The following HMGB1 variants were observed in gnomAD, a reference collection of about 807,000 sequenced individuals.
HMGB1 encodes high mobility group box 1.
For missense variants in HMGB1, 79 were observed against 253.5 expected, an observed-to-expected ratio of 0.31 and a Z score of 4.67; for synonymous variants, 81 against 84.0, an observed-to-expected ratio of 0.96 and a Z score of 0.19.
rs150523983 is a variant in HMGB1, at chr13:30,568,079, C to G, written c.-15+48592G>C. 6.3e-3 allele frequency among the ~76,000 whole-genome samples: 958 copies of G among 152,296 alleles called. 6 individuals carry two copies. The highest frequency in any genetic ancestry group is 0.022 in the African/African-American group (907 of 41,562). On this transcript the variant is annotated intron_variant, in intron 1 of 4. Transcript: ENST00000405805. ...TGGAATCTTCCAGGATGTATAGTCT[C>G]CCATACCAGCTCATCCTCCCATTTT... is the stretch of plus-strand genomic sequence containing the variant.
chr13:30,517,471 C>T (rs1370668038), intron 1 of HMGB1, among the ~76,000 whole-genome samples: 2 of 152,252 alleles, frequency 1.3e-5, no homozygotes, highest in Non-Finnish European at 2.9e-5. Flanking sequence ...GTGGCACAGT[C>T]TCAGCTCACT....
At chr13:30,515,347 C>A (rs954064587) in intron 1 of HMGB1, among the ~76,000 whole-genome samples, 2 of 152,114 alleles carry the variant, frequency 1.3e-5, no homozygotes, top group Non-Finnish European at 2.9e-5. Context: ...GAGCAGAGAA[C>A]CTGACTATGC....
At chr13:30,574,704 T>C (rs1870572037) in intron 1 of HMGB1, among the ~76,000 whole-genome samples, 1 of 152,184 alleles carries the variant, frequency 6.6e-6, no homozygotes, top group South Asian at 2.1e-4. Flanking sequence ...ATATTTGGAA[T>C]AAAAAATGTT....
chr13:30,594,185 T>C (rs1313664631), intron 1 of HMGB1, among the ~76,000 whole-genome samples: 1 of 152,248 alleles, frequency 6.6e-6, no homozygotes, highest in East Asian at 1.9e-4. Context: ...GCAAATGAGA[T>C]GAAATCTTTA....
chr13:30,522,220 C>T (rs1888255540), intron 1 of HMGB1, among the ~76,000 whole-genome samples: 1 of 150,764 alleles, frequency 6.6e-6, no homozygotes, highest in African/African-American at 2.4e-5. Flanking sequence ...TCAAGTGATC[C>T]TCTCACCTCA....
At chr13:30,465,507 AATT>A (rs1205796869) in intron 1 of HMGB1, among the ~76,000 whole-genome samples, 4 of 149,930 alleles carry the variant, frequency 2.7e-5, no homozygotes, top group Non-Finnish European at 5.9e-5. Flanking sequence ...TTAAAAAAAA[AATT>A]TTTTTTTTTG....
intron 1 of HMGB1, among the ~76,000 whole-genome samples, chr13:30,491,089 C>T (rs185989172): frequency 7.2e-5 from 11 of 151,938 alleles, no homozygotes; most frequent in South Asian, 2.1e-4. Flanking sequence ...AATGCAAAGG[C>T]GCAGTCTTGG....
rs1886008394 is a variant in HMGB1 at position 30,456,774 on chromosome 13, G to GGGGGGGGGGGT, written c.*4582_*4583insACCCCCCCCCC. 1.4e-5 allele frequency: 1 copy of GGGGGGGGGGGT among 69,492 alleles called. No homozygotes were observed. The highest frequency in any genetic ancestry group is 5.6e-5 in the African/African-American group (1 of 17,760). The allele number at this position is 69,492 out of a possible 1,614,324, so 4.3% of individuals were successfully genotyped here. A position where few individuals can be genotyped will look rare whatever the true frequency, so the allele number is the denominator to read the frequency against. ...GCTTTTGTGGGCGGGGGGGGGGGGT[G>GGGGGGGGGGGT]GTGGGGTGCAATTTATCAACATCTT... On this transcript the variant is annotated 3_prime_UTR_variant, in exon 5 of 5. Transcript: ENST00000341423.
chr13:30,601,183 C>T (rs1028481540), intron 1 of HMGB1, among the ~76,000 whole-genome samples: 5 of 152,160 alleles, frequency 3.3e-5, no homozygotes, highest in East Asian at 1.9e-4. Flanking sequence ...TGAGATCCAC[C>T]GCTGCCCGCA....
chr13:30,529,944 T>C (rs974763746), intron 1 of HMGB1, among the ~76,000 whole-genome samples: 12 of 152,208 alleles, frequency 7.9e-5, no homozygotes, highest in African/African-American at 2.9e-4. Context: ...ATTTGCAGAA[T>C]GTGCATAACA....
At chr13:30,490,447 CT>C (rs1887461491) in intron 1 of HMGB1, among the ~76,000 whole-genome samples, 1 of 152,046 alleles carries the variant, frequency 6.6e-6, no homozygotes, top group Non-Finnish European at 1.5e-5. Flanking sequence ...CGGCAAAACC[CT>C]GTCTCTAATA....
rs1311796306 is a variant in HMGB1 at position 30,474,956 on chromosome 13, TTTG to T, written c.-14-11265_-14-11263del. Among the ~76,000 whole-genome samples the T allele has an allele frequency of 5.3e-3, 221 of 41,604 alleles. 2 individuals carry two copies. Among genetic ancestry groups the T allele is most frequent in the South Asian group, 0.022 (13 of 582 alleles). 27.3% of individuals were successfully genotyped at this position (41,604 alleles called of 152,430 possible). On this transcript the variant is annotated intron_variant, in intron 1 of 4. Coordinates refer to the HMGB1 transcript ENST00000405805. ...TTCTCTTTTTTTTTTCTTTTCTTTTTTTGTTTTTTTTTTTTTTTTTTTTTTGAG... is the reference window on the plus strand; with the variant it reads ...TTCTCTTTTTTTTTTCTTTTCTTTTTTTTTTTTTTTTTTTTTTTTTTTGAG...
intron 1 of HMGB1, among the ~76,000 whole-genome samples, chr13:30,614,119 TC>T (rs1950538558): frequency 6.6e-6 from 1 of 152,212 alleles, no homozygotes; most frequent in African/African-American, 2.4e-5. Context: ...ATTTATTTGT[TC>T]TTACATGTGT....
chr13:30,481,741 G>T (rs1357471925), intron 1 of HMGB1, among the ~76,000 whole-genome samples: 1 of 152,214 alleles, frequency 6.6e-6, no homozygotes, highest in Non-Finnish European at 1.5e-5. Context: ...TCCAAGGCTG[G>T]TGCTCAAGGG....
chr13:30,497,443 CTGT>C (rs893194647), intron 1 of HMGB1, among the ~76,000 whole-genome samples: 28 of 21,130 alleles, frequency 1.3e-3, no homozygotes, highest in Admixed American at 3.7e-3. Flanking sequence ...GTTGGCCAGG[CTGT>C]TTTTTTTTTT....
At chr13:30,517,518 C>T (rs757714121) in intron 1 of HMGB1, among the ~76,000 whole-genome samples, 1 of 152,236 alleles carries the variant, frequency 6.6e-6, no homozygotes, top group Non-Finnish European at 1.5e-5. Flanking sequence ...GATTCTCCTG[C>T]CTCAGCCTCC....
At chr13:30,600,469 GAAC>G (rs1950387945) in intron 1 of HMGB1, among the ~76,000 whole-genome samples, 1 of 152,158 alleles carries the variant, frequency 6.6e-6, no homozygotes, top group South Asian at 2.1e-4. Flanking sequence ...ACAGTAAGAA[GAAC>G]GTGATGAAAT....
intron 1 of HMGB1, among the ~76,000 whole-genome samples, chr13:30,474,959 G>GTTTTTTTTTTTTTTTT (rs776923842): frequency 1.6e-5 from 1 of 64,032 alleles, no homozygotes; most frequent in Non-Finnish European, 2.6e-5. Flanking sequence ...TTCTTTTTTT[G>GTTTTTTTTTTTTTTTT]TTTTTTTTTT....
At position 30,573,151 on chromosome 13, in the gene HMGB1, T is replaced by C. The variant is rs563557532; in HGVS notation, c.-15+43520A>G. On this transcript the variant is annotated intron_variant, in intron 1 of 4. Coordinates refer to the HMGB1 transcript ENST00000405805. ...GGTCTGAATTGCAAAGGAGGCATCT[T>C]TGTAAGTCAGACTCAACTCATTACT... is the stretch of plus-strand genomic sequence containing the variant. Among the ~76,000 whole-genome samples the C allele has an allele frequency of 2.6e-5, 4 of 152,304 alleles. No homozygotes were observed. In the East Asian group the frequency reaches 5.8e-4, roughly 22 times the overall value.
Sources: gnomAD v4.1 joint callset for allele counts (sites outside exome capture counted in the v4.1 genomes callset) on GRCh38, gnomAD v4.1.1 for gene constraint, MANE v1.5 for transcripts, NCBI Gene and HGNC (gene_info 2026-07-23, HGNC 2026-07-21) for gene names.